Variants in FBXL7 observed in about 807,000 individuals in gnomAD.
FBXL7 encodes the protein F-box and leucine rich repeat protein 7.
A neutral mutation model predicts 38.3 loss-of-function variants in FBXL7; 12 were observed. The ratio of observed to expected loss-of-function variants is 0.31; its 90% CI spans 0.20 to 0.51. The LOEUF is 0.51. Among genes scored for constraint, FBXL7 ranks in the 20% least tolerant of loss-of-function variants. The probability of loss-of-function intolerance (pLI) is 0.98; values close to 1 mark genes in which losing one functional copy is unlikely to be tolerated. For missense variants in FBXL7, 567 were observed against 676.4 expected (o/e 0.84, Z 1.79); for synonymous variants, 297 against 300.9 (o/e 0.99, Z 0.13).
chr5:15,732,574 T>C (rs775718735), intron 2 of FBXL7, among the ~76,000 whole-genome samples: 1 of 152,222 alleles, frequency 6.6e-6, no homozygotes, highest in East Asian at 1.9e-4. Flanking sequence ...TGCAGATGCA[T>C]GTGTGATACC....
At chr5:15,813,269 C>T (rs1262329384) in intron 2 of FBXL7, among the ~76,000 whole-genome samples, 1 of 152,074 alleles carries the variant, frequency 6.6e-6, no homozygotes, top group Non-Finnish European at 1.5e-5. Context: ...AGAAATAACA[C>T]CACACATCTA....
Position 15,928,156 on chromosome 5 carries a change from A to G in FBXL7, c.394A>G (p.Asn132Asp), listed in dbSNP as rs764111485. 1.2e-5 allele frequency: 19 copies of G among 1,610,850 alleles called. No homozygotes were observed. The highest frequency in any genetic ancestry group is 1.7e-5 in the Admixed American group (1 of 59,662). Residue 132 changes from asparagine to aspartate, a missense_variant, in exon 3 of 4, where the codon AAC becomes GAC. Physicochemically the swap from Asn to Asp is conservative, Grantham distance 23. Coordinates refer to ENST00000504595, the MANE Select transcript of FBXL7 (RefSeq NM_012304.5). The surrounding 1 kb of genome is among the most constrained non-coding windows in gnomAD (Gnocchi z 4.0). ...GCAGATCTTCTCCTTCCTGCCCACC[A>G]ACCAGCTGTGCCGCTGCGCGCGAGT... ...MVQIFSFLPT[N>D]QLCRCARVCR... is the part of the protein sequence containing the mutation.
At chr5:15,710,932 G>A (rs1284067322) in intron 2 of FBXL7, among the ~76,000 whole-genome samples, 5 of 152,110 alleles carry the variant, frequency 3.3e-5, no homozygotes, top group African/African-American at 1.2e-4. Context: ...CAATTCCCAC[G>A]TTGTCATGGG....
chr5:15,728,911 T>G lies in FBXL7; in HGVS notation c.127+112839T>G, dbSNP rs189348251. On this transcript the variant is annotated intron_variant, in intron 2 of 3. Coordinates refer to ENST00000504595, the MANE Select transcript of FBXL7 (RefSeq NM_012304.5). ...AATATAGCATGGATCAGGCATTTCATGAATTCCTTCCTGAACTAGCCAAAT... is the reference window on the plus strand; with the variant it reads ...AATATAGCATGGATCAGGCATTTCAGGAATTCCTTCCTGAACTAGCCAAAT... 1.7e-3 allele frequency among the ~76,000 whole-genome samples: 252 copies of G among 152,304 alleles called. 2 individuals carry two copies. Among genetic ancestry groups the G allele is most frequent in the African/African-American group, 5.4e-3 (224 of 41,592 alleles).
intron 1 of FBXL7, among the ~76,000 whole-genome samples, chr5:15,516,029 G>A (rs1219014714): frequency 6.6e-6 from 1 of 152,066 alleles, no homozygotes; most frequent in Non-Finnish European, 1.5e-5. Context: ...TACTACTTTA[G>A]AAAACATTCT....
At chr5:15,624,155 A>G (rs1045445995) in intron 2 of FBXL7, among the ~76,000 whole-genome samples, 1 of 152,218 alleles carries the variant, frequency 6.6e-6, no homozygotes, top group Non-Finnish European at 1.5e-5. Flanking sequence ...TATAGGGTCT[A>G]GAAATTGACT....
intron 2 of FBXL7, among the ~76,000 whole-genome samples, chr5:15,731,277 A>T (rs564520204): frequency 1.3e-5 from 2 of 152,364 alleles, no homozygotes; most frequent in African/African-American, 4.8e-5. Context: ...TCACAGTTCC[A>T]CGTGGCTAGG....
intron 2 of FBXL7, among the ~76,000 whole-genome samples, chr5:15,666,940 C>T (rs929607321): frequency 1.4e-4 from 22 of 152,214 alleles, no homozygotes; most frequent in African/African-American, 4.8e-4. Flanking sequence ...ATTAGTGTGA[C>T]GTCAAGTTTT....
intron 2 of FBXL7, among the ~76,000 whole-genome samples, chr5:15,903,508 A>G (rs1044389239): frequency 4.6e-5 from 7 of 152,172 alleles, no homozygotes; most frequent in African/African-American, 1.4e-4. Context: ...GAAACCCACA[A>G]TTTATTCCAA....
intron 1 of FBXL7, among the ~76,000 whole-genome samples, chr5:15,500,989 T>C (rs961795121): frequency 3.3e-5 from 5 of 152,216 alleles, no homozygotes; most frequent in African/African-American, 4.8e-5. Context: ...TGAGCACATA[T>C]GCCTTAACCT....
chr5:15,554,946 C>T (rs938448288), intron 1 of FBXL7, among the ~76,000 whole-genome samples: 1 of 152,166 alleles, frequency 6.6e-6, no homozygotes, highest in Non-Finnish European at 1.5e-5. Flanking sequence ...GTCAGAGTCA[C>T]GCTGTGAAAT....
chr5:15,897,319 TC>T (rs1479077523), intron 2 of FBXL7, among the ~76,000 whole-genome samples: 2 of 152,248 alleles, frequency 1.3e-5, no homozygotes, highest in African/African-American at 4.8e-5. Context: ...TTCGTCTTAC[TC>T]ATTTATTCAA....
At chr5:15,527,317 G>A (rs987030762) in intron 1 of FBXL7, among the ~76,000 whole-genome samples, 6 of 152,048 alleles carry the variant, frequency 3.9e-5, no homozygotes, top group African/African-American at 9.7e-5. Context: ...AAACAGCTGA[G>A]TCAACTGAGG....
chr5:15,660,251 T>C (rs886537558), intron 2 of FBXL7, among the ~76,000 whole-genome samples: 1 of 152,238 alleles, frequency 6.6e-6, no homozygotes, highest in African/African-American at 2.4e-5. Flanking sequence ...TTTGACTTTT[T>C]CTCAAAGAAA....
intron 1 of FBXL7, among the ~76,000 whole-genome samples, chr5:15,506,353 A>G (rs1736650813): frequency 6.6e-6 from 1 of 152,010 alleles, no homozygotes; most frequent in Non-Finnish European, 1.5e-5. Context: ...ACCTCCCAAG[A>G]TGGTGTGAGA....
chr5:15,608,159 T>A (rs7720996), intron 1 of FBXL7, among the ~76,000 whole-genome samples: 3,022 of 152,326 alleles, frequency 0.02, 109 homozygotes, highest in African/African-American at 0.067. Context: ...CTTTCTTAAT[T>A]TGTGATATAA....
intron 2 of FBXL7, among the ~76,000 whole-genome samples, chr5:15,724,439 C>A (rs1264368906): frequency 6.6e-6 from 1 of 152,158 alleles, no homozygotes; most frequent in African/African-American, 2.4e-5. Context: ...ACCGCCACCA[C>A]AATAAGGATT....
intron 1 of FBXL7, among the ~76,000 whole-genome samples, chr5:15,579,356 C>A (rs1055349201): frequency 6.6e-6 from 1 of 152,122 alleles, no homozygotes; most frequent in African/African-American, 2.4e-5. Context: ...CCTAGAGGGA[C>A]CTGGGACGCC....
At chr5:15,581,101 C>A (rs1390474471) in intron 1 of FBXL7, among the ~76,000 whole-genome samples, 1 of 152,080 alleles carries the variant, frequency 6.6e-6, no homozygotes, top group Non-Finnish European at 1.5e-5. Context: ...TTGAACAGTT[C>A]ACAAAAGTCA....
Sources: allele counts gnomAD v4.1 joint callset (sites outside exome capture counted in the v4.1 genomes callset), GRCh38; gene constraint gnomAD v4.1.1; non-coding constraint Gnocchi (gnomAD v3.1); transcripts MANE v1.5; gene names NCBI Gene and HGNC (gene_info 2026-07-23, HGNC 2026-07-21).